MORN4: variants seen among roughly 807,000 people sequenced by gnomAD.
MORN4 encodes the protein MORN repeat containing 4.
A neutral mutation model predicts 16.4 loss-of-function variants in MORN4; 8 were observed. The ratio of observed to expected loss-of-function variants is 0.49; its 90% CI spans 0.29 to 0.88. The LOEUF is 0.88. MORN4 is among the 40% of genes least tolerant of loss of function. The pLI is 0.09. For synonymous variants in MORN4, 53 were observed against 68.9 expected (o/e 0.77, Z 1.14); for missense variants, 159 against 182.9 (o/e 0.87, Z 0.75).
intron 1 of MORN4, among the ~76,000 whole-genome samples, chr10:97,630,062 C>G (rs371517154): frequency 2.6e-5 from 4 of 151,762 alleles, no homozygotes; most frequent in South Asian, 4.2e-4. Flanking sequence ...GTAGCTGGGA[C>G]TACAGGCGCC....
intron 1 of MORN4, among the ~76,000 whole-genome samples, chr10:97,632,785 A>G (rs1202035787): frequency 1.3e-5 from 2 of 151,140 alleles, no homozygotes; most frequent in Non-Finnish European, 2.9e-5. Context: ...ATACTATCCT[A>G]TTTCACGGGA....
chr10:97,633,221 C>T lies in MORN4; in HGVS notation c.-31+126G>A, dbSNP rs962441985. 3.5e-6 allele frequency: 4 copies of T among 1,147,244 alleles called. 1 individual carries two copies. In the Admixed American group the frequency reaches 1.1e-4, roughly 32 times the overall value. 71.1% of individuals were successfully genotyped at this position (1,147,244 alleles called of 1,614,324 possible). Reference sequence around the variant, plus strand: ...TTTGGGTCCCCCACAGGCAACCGCCCTCAGGTCAGCGTATCCGAGGTGGAG... The same window carrying T: ...TTTGGGTCCCCCACAGGCAACCGCCTTCAGGTCAGCGTATCCGAGGTGGAG... On this transcript the variant is annotated intron_variant, in intron 1 of 4. Coordinates refer to ENST00000307450, the MANE Select transcript of MORN4 (RefSeq NM_178832.4). This position sits in a 1 kb window ranked among gnomAD's most constrained non-coding sequence, Gnocchi z 4.5.
At chr10:97,616,654 C>T in intron 4 of MORN4, 24 bp downstream of exon 4, 1 of 1,565,688 alleles carries the variant, frequency 6.4e-7, no homozygotes, top group East Asian at 2.2e-5. Flanking sequence ...CCTAAGTCAG[C>T]CATCCTGCTG....
chr10:97,625,056 T>C (rs2041335770), intron 1 of MORN4, among the ~76,000 whole-genome samples: 1 of 152,080 alleles, frequency 6.6e-6, no homozygotes. Context: ...TTGGGGTGGG[T>C]ATTATTATTA....
At chr10:97,631,900 C>A (rs930178181) in intron 1 of MORN4, among the ~76,000 whole-genome samples, 12 of 151,980 alleles carry the variant, frequency 7.9e-5, no homozygotes, top group Admixed American at 7.9e-4. Flanking sequence ...CTGCACCACA[C>A]CTGTACTCCA....
intron 2 of MORN4, among the ~76,000 whole-genome samples, chr10:97,617,946 G>A (rs1362392610): frequency 2.6e-5 from 4 of 152,064 alleles, no homozygotes; most frequent in African/African-American, 4.8e-5. Flanking sequence ...CCGAGGAGGC[G>A]GGCAGATCAC....
rs915723297 is a variant in MORN4 at position 97,618,849 on chromosome 10, G to A, written c.67+738C>T. 2.6e-5 allele frequency among the ~76,000 whole-genome samples: 4 copies of A among 151,050 alleles called. No individual in the cohort carries two copies. In the Admixed American group the frequency reaches 2.7e-4, roughly 10 times the overall value. On this transcript the variant is annotated intron_variant, in intron 2 of 4. Coordinates refer to ENST00000307450, the MANE Select transcript of MORN4 (RefSeq NM_178832.4). ...TTAGATTTTGAGGACACCGAGTCAG[G>A]CTGCCTGCTGTGTTTGCCTTCTTGT...
At chr10:97,631,615 G>A (rs1287842204) in intron 1 of MORN4, among the ~76,000 whole-genome samples, 2 of 150,410 alleles carry the variant, frequency 1.3e-5, no homozygotes, top group African/African-American at 4.9e-5. Flanking sequence ...AATTTAAGAG[G>A]ATTAAAAAAA....
chr10:97,618,165 C>T (rs1288010155), intron 2 of MORN4, among the ~76,000 whole-genome samples: 1 of 150,788 alleles, frequency 6.6e-6, no homozygotes, highest in African/African-American at 2.4e-5. Context: ...GCAACAAGAG[C>T]AAAACTCCAT....
chr10:97,619,514 T>C (rs1483993832), intron 2 of MORN4, 73 bp downstream of exon 2: 1 of 1,074,158 alleles, frequency 9.3e-7, no homozygotes, highest in Non-Finnish European at 1.5e-6. Context: ...TAAAGTTGGC[T>C]ATATATCCTG....
chr10:97,622,259 G>C (rs1001946427), intron 1 of MORN4, among the ~76,000 whole-genome samples: 3 of 152,206 alleles, frequency 2.0e-5, no homozygotes, highest in Admixed American at 2.0e-4. Context: ...TCAGGCATGA[G>C]TCTGGGAGAT....
At chr10:97,623,938 G>T (rs554103151) in intron 1 of MORN4, among the ~76,000 whole-genome samples, 9 of 151,936 alleles carry the variant, frequency 5.9e-5, no homozygotes, top group Non-Finnish European at 7.4e-5. Flanking sequence ...GAGTTTCACC[G>T]TGTTAGCCAG....
chr10:97,617,820 A>C (rs1285648414), intron 2 of MORN4, among the ~76,000 whole-genome samples: 1 of 151,988 alleles, frequency 6.6e-6, no homozygotes, highest in Non-Finnish European at 1.5e-5. Context: ...AGATCGCGCC[A>C]CTGCACTCCA....
chr10:97,623,230 C>T (rs1271698149), intron 1 of MORN4, among the ~76,000 whole-genome samples: 1 of 152,134 alleles, frequency 6.6e-6, no homozygotes, highest in South Asian at 2.1e-4. Context: ...CCTACTGCTA[C>T]AATAAATGGA....
In MORN4 at chr10:97,630,882, G is replaced by C. The variant is rs901875529; in HGVS notation, c.-31+2465C>G. Among the ~76,000 whole-genome samples, 54 of 151,882 alleles carry C rather than the reference G, an allele frequency of 3.6e-4. 1 individual carries two copies. The highest frequency in any genetic ancestry group is 1.2e-3 in the African/African-American group (51 of 41,418). On this transcript the variant is annotated intron_variant, in intron 1 of 4. Coordinates refer to ENST00000307450, the MANE Select transcript of MORN4 (RefSeq NM_178832.4). Reference sequence around the variant, plus strand: ...TACTTTTTTTTTTTTGAGGCAGTCTGGCTCTGTCATCCAAGCTGGAGTGCA... The same window carrying C: ...TACTTTTTTTTTTTTGAGGCAGTCTCGCTCTGTCATCCAAGCTGGAGTGCA...
intron 1 of MORN4, among the ~76,000 whole-genome samples, chr10:97,622,413 C>T (rs73334504): frequency 0.032 from 4,813 of 152,178 alleles, 248 homozygotes; most frequent in African/African-American, 0.1. Context: ...GGGAACTGCA[C>T]GGTGGCTCAA....
chr10:97,626,532 T>TGCAAC (rs1268220210), intron 1 of MORN4, among the ~76,000 whole-genome samples: 2 of 147,334 alleles, frequency 1.4e-5, no homozygotes, highest in Non-Finnish European at 3.0e-5. Context: ...GTCGGCTCAC[T>TGCAAC]GCAACCTCCA....
At chr10:97,626,911 C>T (rs1237397956) in intron 1 of MORN4, among the ~76,000 whole-genome samples, 2 of 151,980 alleles carry the variant, frequency 1.3e-5, no homozygotes, top group African/African-American at 2.4e-5. Flanking sequence ...GCCCCTGCCA[C>T]CACGCCCAGC....
chr10:97,625,804 G>T (rs1216029797), intron 1 of MORN4, among the ~76,000 whole-genome samples: 1 of 152,170 alleles, frequency 6.6e-6, no homozygotes, highest in Admixed American at 6.5e-5. Context: ...GTGTCGCTCT[G>T]TTGCCCATGC....
Sources: gnomAD v4.1 joint callset for allele counts (sites outside exome capture counted in the v4.1 genomes callset) on GRCh38, gnomAD v4.1.1 for gene constraint, Gnocchi (gnomAD v3.1) non-coding constraint, MANE v1.5 for transcripts, NCBI Gene and HGNC (gene_info 2026-07-23, HGNC 2026-07-21) for gene names.